FBXW11: variants seen among roughly 807,000 people sequenced by gnomAD.
FBXW11 encodes the protein F-box and WD repeat domain containing 11.
In FBXW11, 19 loss-of-function variants were observed where a neutral mutation model predicts 77.6. The ratio of observed to expected loss-of-function variants is 0.24; its 90% CI spans 0.17 to 0.36. The LOEUF (loss-of-function observed/expected upper bound fraction) is 0.36. Ranked by LOEUF, FBXW11 falls within the 10% of genes least tolerant of loss-of-function variation. The pLI is 1.00. For missense variants in FBXW11, 334 were observed against 704.2 expected (o/e 0.47, Z 5.95); for synonymous variants, 235 against 249.4 (o/e 0.94, Z 0.54).
At chr5:171,977,695 C>A in intron 1 of FBXW11, 1 of 429,400 alleles carries the variant, frequency 2.3e-6, no homozygotes, top group Middle Eastern at 3.8e-4. Flanking sequence ...GAGCAGGTCA[C>A]ATCTTAAGTA....
intron 2 of FBXW11, among the ~76,000 whole-genome samples, chr5:171,937,434 A>G (rs1326658882): frequency 6.6e-6 from 1 of 152,150 alleles, no homozygotes; most frequent in African/African-American, 2.4e-5. Context: ...TGCAGGACTC[A>G]CTGATTTTGT....
chr5:171,910,753 T>G lies in FBXW11; in HGVS notation c.255A>C (p.Pro85=), dbSNP rs1462846728. 6.2e-7 allele frequency: 1 copy of G among 1,613,336 alleles called. No individual in the cohort carries two copies. Among genetic ancestry groups the G allele is most frequent in the African/African-American group, 1.3e-5 (1 of 74,870 alleles). Residue 85 remains proline (P), a synonymous_variant, in exon 4 of 14, where the codon CCA becomes CCC. Coordinates refer to ENST00000517395, the MANE Select transcript of FBXW11 (RefSeq NM_001378974.1). ...TSSVIVSRKR[P]SEGNYQKEKD... Reference sequence around the variant, plus strand: ...TTTCTTTTTGATAGTTTCCTTCTGATGGCCTCTTTCTGGAGACGATCACAG... The same window carrying G: ...TTTCTTTTTGATAGTTTCCTTCTGAGGGCCTCTTTCTGGAGACGATCACAG...
intron 6 of FBXW11, among the ~76,000 whole-genome samples, chr5:171,894,646 T>A (rs1045718382): frequency 3.1e-4 from 47 of 151,546 alleles, no homozygotes; most frequent in African/African-American, 1.1e-3. Flanking sequence ...CCCCATGATG[T>A]CTGACAACCT....
intron 6 of FBXW11, among the ~76,000 whole-genome samples, chr5:171,893,260 A>C (rs997242927): frequency 4.0e-5 from 6 of 151,822 alleles, no homozygotes; most frequent in Non-Finnish European, 7.4e-5. Context: ...GCAGGATGGT[A>C]TATTTCCAAT....
chr5:172,006,374 G>A (rs1766775048), intron 1 of FBXW11, 84 bp downstream of exon 1: 6 of 1,267,130 alleles, frequency 4.7e-6, no homozygotes, highest in Non-Finnish European at 5.4e-6. Flanking sequence ...GGCCAGAGCC[G>A]GCCTCGCACC....
At chr5:171,883,175 T>C (rs562312271) in intron 7 of FBXW11, among the ~76,000 whole-genome samples, 2 of 152,348 alleles carry the variant, frequency 1.3e-5, no homozygotes, top group South Asian at 2.1e-4. Flanking sequence ...AGTTTCTTTA[T>C]CCACTCGTTG....
At chr5:171,879,701 T>C (rs973979800) in intron 7 of FBXW11, among the ~76,000 whole-genome samples, 2 of 152,254 alleles carry the variant, frequency 1.3e-5, no homozygotes, top group Non-Finnish European at 2.9e-5. Flanking sequence ...TGACTTACAA[T>C]GTGTAACATC....
chr5:171,961,698 G>A (rs1763920472), intron 1 of FBXW11, among the ~76,000 whole-genome samples: 1 of 152,066 alleles, frequency 6.6e-6, no homozygotes, highest in Non-Finnish European at 1.5e-5. Context: ...CCAGGCTGGA[G>A]TGCGGTGGCA....
intron 7 of FBXW11, among the ~76,000 whole-genome samples, chr5:171,884,624 C>A (rs555445184): frequency 1.3e-5 from 2 of 151,956 alleles, no homozygotes; most frequent in Non-Finnish European, 2.9e-5. Context: ...GGTATTAGGT[C>A]GTATTTTGAC....
intron 7 of FBXW11, among the ~76,000 whole-genome samples, chr5:171,884,797 C>A (rs1450196504): frequency 6.6e-6 from 1 of 152,080 alleles, no homozygotes; most frequent in African/African-American, 2.4e-5. Flanking sequence ...CTTTTGACTC[C>A]TTGATTAGGT....
chr5:171,926,825 C>T (rs1236996169), intron 2 of FBXW11, among the ~76,000 whole-genome samples: 2 of 152,150 alleles, frequency 1.3e-5, no homozygotes, highest in African/African-American at 2.4e-5. Context: ...ATTATTCAAT[C>T]TGTATCCTTA....
At chr5:171,932,532 G>A (rs1762264104) in intron 2 of FBXW11, among the ~76,000 whole-genome samples, 1 of 152,006 alleles carries the variant, frequency 6.6e-6, no homozygotes, top group Non-Finnish European at 1.5e-5. Flanking sequence ...TGTATATAAT[G>A]TGTAGTGATG....
In FBXW11 at chr5:171,882,336, C is replaced by T. The variant is rs181613587; in HGVS notation, c.853-4207G>A. On this transcript the variant is annotated intron_variant, in intron 7 of 13. Transcript: ENST00000517395. Reference sequence around the variant, plus strand: ...GGAGGAGGGAGAGAAAGTCTCACACCGTCACTCAGGCTGAAATACAGTGAC... The same window carrying T: ...GGAGGAGGGAGAGAAAGTCTCACACTGTCACTCAGGCTGAAATACAGTGAC... Among the ~76,000 whole-genome samples, 178 of 152,248 alleles carry T rather than the reference C, an allele frequency of 1.2e-3. 1 individual carries two copies. Among genetic ancestry groups the T allele is most frequent in the African/African-American group, 4.0e-3 (165 of 41,532 alleles).
intron 1 of FBXW11, among the ~76,000 whole-genome samples, chr5:171,967,855 C>CATATATATATATATATAT (rs375683631): frequency 5.1e-5 from 6 of 118,540 alleles, no homozygotes; most frequent in African/African-American, 2.4e-4. Flanking sequence ...AAAAAAAATG[C>CATATATATATATATATAT]ATATATATAT....
intron 7 of FBXW11, among the ~76,000 whole-genome samples, chr5:171,890,382 G>A (rs1364288347): frequency 2.0e-5 from 3 of 151,884 alleles, no homozygotes; most frequent in Admixed American, 1.3e-4. Context: ...AATTAGCTGG[G>A]CGTGGTGCCA....
At chr5:171,881,050 T>C (rs1468697702) in intron 7 of FBXW11, among the ~76,000 whole-genome samples, 3 of 152,232 alleles carry the variant, frequency 2.0e-5, no homozygotes, top group African/African-American at 7.2e-5. Context: ...GCTATATGGG[T>C]AAGCAACTGA....
chr5:171,898,572 T>C (rs377673797), intron 6 of FBXW11, among the ~76,000 whole-genome samples: 9 of 152,190 alleles, frequency 5.9e-5, no homozygotes, highest in African/African-American at 1.7e-4. Flanking sequence ...TTGCTTAGAA[T>C]GATATCTGAG....
At chr5:171,968,670 C>A (rs967062087) in intron 1 of FBXW11, among the ~76,000 whole-genome samples, 1 of 152,046 alleles carries the variant, frequency 6.6e-6, no homozygotes, top group African/African-American at 2.4e-5. Flanking sequence ...AACTAAAACC[C>A]CAATTTGTTT....
intron 10 of FBXW11, among the ~76,000 whole-genome samples, chr5:171,871,499 AGAGTGG>A (rs955369389): frequency 1.3e-5 from 2 of 152,244 alleles, no homozygotes; most frequent in African/African-American, 4.8e-5. Context: ...TTACAAAGTC[AGAGTGG>A]GAGACTTACT....
Sources: allele counts gnomAD v4.1 joint callset (sites outside exome capture counted in the v4.1 genomes callset), GRCh38; gene constraint gnomAD v4.1.1; transcripts MANE v1.5; gene names NCBI Gene and HGNC (gene_info 2026-07-23, HGNC 2026-07-21).